CDH8: variants seen among roughly 807,000 people sequenced by gnomAD.
CDH8 encodes cadherin-8.
In CDH8, 17 loss-of-function variants were observed where a neutral mutation model predicts 68.1. The observed-to-expected ratio is 0.25, with a 90% confidence interval of 0.17 to 0.37. The LOEUF (loss-of-function observed/expected upper bound fraction) is 0.37. Among genes scored for constraint, CDH8 ranks in the 10% least tolerant of loss-of-function variants. CDH8 has a pLI of 1.00. For missense variants in CDH8, 763 were observed against 999.3 expected (o/e 0.76, Z 3.19); for synonymous variants, 372 against 365.1 (o/e 1.02, Z -0.21).
At chr16:61,840,377 C>T (rs549798327) in intron 4 of CDH8, among the ~76,000 whole-genome samples, 1 of 152,282 alleles carries the variant, frequency 6.6e-6, no homozygotes, top group African/African-American at 2.4e-5. Flanking sequence ...CCTACTCTTT[C>T]TCACCCAACC....
intron 9 of CDH8, among the ~76,000 whole-genome samples, chr16:61,721,297 T>C (rs965779233): frequency 1.2e-4 from 18 of 151,064 alleles, no homozygotes; most frequent in Non-Finnish European, 2.5e-4. Context: ...TTTTATGCAT[T>C]TTGTGGAGGC....
intron 9 of CDH8, chr16:61,714,178 CT>C: frequency 2.0e-6 from 1 of 504,788 alleles, no homozygotes; most frequent in Non-Finnish European, 3.5e-6. Flanking sequence ...AGAGCATTAC[CT>C]TTGTGTCCAT....
chr16:61,939,931 A>G (rs1353431192), intron 2 of CDH8, among the ~76,000 whole-genome samples: 1 of 152,178 alleles, frequency 6.6e-6, no homozygotes, highest in Non-Finnish European at 1.5e-5. Context: ...CTCCAAGTGA[A>G]GGGGACAGGA....
At chr16:61,901,513 T>C (rs1963972565) in intron 2 of CDH8, 40 bp from the exon 3 acceptor site, 2 of 1,484,290 alleles carry the variant, frequency 1.3e-6, no homozygotes, top group African/African-American at 1.4e-5. Flanking sequence ...TGGAGCAATC[T>C]GAAAAGTTAT....
chr16:61,837,730 T>C (rs1962597584), intron 4 of CDH8, among the ~76,000 whole-genome samples: 1 of 152,072 alleles, frequency 6.6e-6, no homozygotes, highest in Admixed American at 6.6e-5. Flanking sequence ...ATGTGTGATC[T>C]GCAGGAGCCA....
At chr16:62,028,406 C>T (rs980424898) in intron 1 of CDH8, among the ~76,000 whole-genome samples, 4 of 151,932 alleles carry the variant, frequency 2.6e-5, no homozygotes, top group Admixed American at 6.6e-5. Context: ...CATGTTACTC[C>T]TCTCTACCTG....
Position 61,653,156 on chromosome 16 carries a change from G to T in CDH8, c.*452C>A, listed in dbSNP as rs989849398. On this transcript the variant is annotated 3_prime_UTR_variant, in exon 12 of 12. Coordinates refer to ENST00000577390, the MANE Select transcript of CDH8 (RefSeq NM_001796.5). Reference sequence around the variant, plus strand: ...CAAGTATTGCTTTATCATTTGTGGCGGGATCCTTATTGGTGAAGGGGAAAA... The same window carrying T: ...CAAGTATTGCTTTATCATTTGTGGCTGGATCCTTATTGGTGAAGGGGAAAA... 1 of 1,232,046 alleles carries T rather than the reference G, an allele frequency of 8.1e-7. No homozygotes were observed. The highest frequency in any genetic ancestry group is 1.0e-6 in the Non-Finnish European group (1 of 988,682). 76.3% of individuals were successfully genotyped at this position (1,232,046 alleles called of 1,614,324 possible).
chr16:61,902,399 G>A (rs1317803531), intron 2 of CDH8, among the ~76,000 whole-genome samples: 1 of 151,884 alleles, frequency 6.6e-6, no homozygotes, highest in African/African-American at 2.4e-5. Flanking sequence ...ATTATACACG[G>A]TGTCTCTCCT....
chr16:61,981,648 ATGTGTGTGTGTGTGTGTG>A (rs750036103), intron 2 of CDH8, among the ~76,000 whole-genome samples: 13 of 146,720 alleles, frequency 8.9e-5, no homozygotes, highest in Non-Finnish European at 1.8e-4. Context: ...CTTGAAAAGA[ATGTGTGTGTGTGTGTGTG>A]TGTGTGTGTG....
intron 2 of CDH8, among the ~76,000 whole-genome samples, chr16:61,982,261 C>T (rs1381366902): frequency 1.3e-5 from 2 of 152,098 alleles, no homozygotes; most frequent in Non-Finnish European, 2.9e-5. Flanking sequence ...GCTCTATCGC[C>T]CAGGCTGGAG....
chr16:61,893,563 C>A lies in CDH8; in HGVS notation c.547+7616G>T, dbSNP rs774207698. On this transcript the variant is annotated intron_variant, in intron 3 of 11. Transcript: ENST00000577390. ...ACTTTCATATGTAAATACAATTCTCCTTTAAACGGAACCAGATTTTTGTGT... is the reference window on the plus strand; with the variant it reads ...ACTTTCATATGTAAATACAATTCTCATTTAAACGGAACCAGATTTTTGTGT... 2.5e-4 allele frequency among the ~76,000 whole-genome samples: 38 copies of A among 152,110 alleles called. No individual in the cohort carries two copies. The Middle Eastern group carries it at 0.01, about 41-fold the overall frequency.
intron 10 of CDH8, among the ~76,000 whole-genome samples, chr16:61,673,861 A>G (rs1963843710): frequency 6.6e-6 from 1 of 152,184 alleles, no homozygotes; most frequent in African/African-American, 2.4e-5. Flanking sequence ...AGTGAATACT[A>G]GAGTGGAGGA....
intron 4 of CDH8, among the ~76,000 whole-genome samples, chr16:61,852,877 C>CCTTCCTTCCATT (rs1485001806): frequency 9.7e-5 from 13 of 133,626 alleles, no homozygotes; most frequent in African/African-American, 4.0e-4. Context: ...TTCCTTCCTT[C>CCTTCCTTCCATT]CTTCCTTCCT....
chr16:61,852,865 C>A (rs1567500456), intron 4 of CDH8, among the ~76,000 whole-genome samples: 1 of 135,584 alleles, frequency 7.4e-6, no homozygotes, highest in African/African-American at 3.0e-5. Context: ...TTCCTTCCTT[C>A]CTTCCTTCCT....
At chr16:61,719,177 T>C (rs1596896803) in intron 9 of CDH8, among the ~76,000 whole-genome samples, 2 of 150,208 alleles carry the variant, frequency 1.3e-5, no homozygotes, top group Admixed American at 1.3e-4. Flanking sequence ...GTTTATTAGG[T>C]GGCTATTCAG....
At chr16:61,728,438 G>A (rs966661448) in intron 8 of CDH8, among the ~76,000 whole-genome samples, 1 of 150,914 alleles carries the variant, frequency 6.6e-6, no homozygotes, top group Non-Finnish European at 1.5e-5. Flanking sequence ...ACTATCCTGA[G>A]GGATTAATGG....
At chr16:61,953,182 T>C (rs1403206258) in intron 2 of CDH8, among the ~76,000 whole-genome samples, 1 of 152,176 alleles carries the variant, frequency 6.6e-6, no homozygotes. Context: ...CCAAATGTGT[T>C]GGTGCCCAGA....
chr16:61,664,690 T>C (rs1963631699), intron 10 of CDH8, among the ~76,000 whole-genome samples: 2 of 151,342 alleles, frequency 1.3e-5, no homozygotes, highest in South Asian at 4.1e-4. Flanking sequence ...TAGGTTCAGA[T>C]AGAAAGAGGC....
chr16:61,951,373 C>T (rs556909320), intron 2 of CDH8, among the ~76,000 whole-genome samples: 2 of 151,836 alleles, frequency 1.3e-5, no homozygotes, highest in South Asian at 2.1e-4. Context: ...ATTAGCTGGG[C>T]GTGCTGGCGG....
Sources: gnomAD v4.1 joint callset for allele counts (sites outside exome capture counted in the v4.1 genomes callset) on GRCh38, gnomAD v4.1.1 for gene constraint, MANE v1.5 for transcripts, NCBI Gene and HGNC (gene_info 2026-07-23, HGNC 2026-07-21) for gene names.